Variants in SLCO1A2 observed in about 807,000 individuals in gnomAD.
SLCO1A2 encodes the protein OATP-1.
A neutral mutation model predicts 69.0 loss-of-function variants in SLCO1A2; 67 were observed. That is an observed-to-expected ratio of 0.97 (90% CI 0.80 to 1.19). The LOEUF is 1.19. Ranked by LOEUF, SLCO1A2 falls within the 50% of genes most tolerant of loss-of-function variation. SLCO1A2 has a pLI of 0.00. For synonymous variants in SLCO1A2, 260 were observed against 265.9 expected, an observed-to-expected ratio of 0.98 and a Z score of 0.22; for missense variants, 787 against 793.7, an observed-to-expected ratio of 0.99 and a Z score of 0.10.
In SLCO1A2 at chr12:21,275,444, G is replaced by T. The variant is rs542570161; in HGVS notation, c.1611-20C>A. ...ATACACCTGAAAAGTAAATAAGTTTGTAAATAAAAGAAAAATAAAGATTTA... is the reference window on the plus strand; with the variant it reads ...ATACACCTGAAAAGTAAATAAGTTTTTAAATAAAAGAAAAATAAAGATTTA... On this transcript the variant is annotated intron_variant, in intron 12 of 14. Transcript: ENST00000683939. The T allele has an allele frequency of 4.2e-6, 6 of 1,419,578 alleles. No homozygotes were observed. Among genetic ancestry groups the T allele is most frequent in the Non-Finnish European group, 5.6e-6 (6 of 1,066,386 alleles). The allele number at this position is 1,419,578 out of a possible 1,614,324, so 87.9% of individuals were successfully genotyped here. A position where few individuals can be genotyped will look rare whatever the true frequency, so the allele number is the denominator to read the frequency against.
At chr12:21,371,205 A>G (rs1295018693) in intron 2 of SLCO1A2, among the ~76,000 whole-genome samples, 1 of 152,142 alleles carries the variant, frequency 6.6e-6, no homozygotes, top group Non-Finnish European at 1.5e-5. Flanking sequence ...TGTTATAGCA[A>G]TGGTAAACTG....
intron 12 of SLCO1A2, among the ~76,000 whole-genome samples, chr12:21,288,638 G>A (rs776800308): frequency 2.6e-5 from 4 of 151,950 alleles, no homozygotes; most frequent in South Asian, 4.1e-4. Flanking sequence ...TAATTTACTC[G>A]TACATTTTAA....
In SLCO1A2 at chr12:21,301,209, C is replaced by G. The variant is rs774778697; in HGVS notation, c.650G>C (p.Cys217Ser). The stretch of plus-strand genomic sequence containing the variant: ...TCCAGTGTCAACATAAACATTTGCA[C>G]AGAATGATGCCAACAAAAGTCCAAT... ...PLIGLLLASF[C>S]ANVYVDTGFV... The change falls in exon 7 of 15, where the codon TGT becomes TCT. Residue 217 changes from cysteine (C) to serine (S), a missense_variant. By Grantham distance (112) the Cys-to-Ser change is moderately radical (BLOSUM62 -1). Coordinates refer to ENST00000683939, the MANE Select transcript of SLCO1A2 (RefSeq NM_001386879.1). The G allele has an allele frequency of 6.2e-7, 1 of 1,612,604 alleles. No homozygotes were observed. The highest frequency in any genetic ancestry group is 8.5e-7 in the Non-Finnish European group (1 of 1,179,396).
At chr12:21,290,041 G>A (rs541619380) in intron 12 of SLCO1A2, among the ~76,000 whole-genome samples, 33 of 149,520 alleles carry the variant, frequency 2.2e-4, no homozygotes, top group African/African-American at 7.4e-4. Flanking sequence ...GTGTGTGTAT[G>A]TATCTGTGTG....
chr12:21,377,842 T>C (rs992916996), intron 1 of SLCO1A2, among the ~76,000 whole-genome samples: 3 of 152,200 alleles, frequency 2.0e-5, no homozygotes, highest in Non-Finnish European at 4.4e-5. Context: ...GAAATAATTA[T>C]TTTTAAATTT....
At chr12:21,351,778 CAA>C (rs59221872) in intron 2 of SLCO1A2, among the ~76,000 whole-genome samples, 5 of 128,682 alleles carry the variant, frequency 3.9e-5, no homozygotes, top group African/African-American at 5.8e-5. Context: ...AATTCCGTCT[CAA>C]AAAAAAAAAA....
At chr12:21,317,836 CT>C (rs1172694392) in intron 3 of SLCO1A2, among the ~76,000 whole-genome samples, 1 of 152,108 alleles carries the variant, frequency 6.6e-6, no homozygotes, top group Non-Finnish European at 1.5e-5. Context: ...TTCTATATAA[CT>C]TTTTTCATGG....
chr12:21,281,589 CA>C (rs1430355716), intron 12 of SLCO1A2, among the ~76,000 whole-genome samples: 1 of 150,844 alleles, frequency 6.6e-6, no homozygotes, highest in Non-Finnish European at 1.5e-5. Flanking sequence ...ATGAAGAAAA[CA>C]ATACAAAAGA....
rs1366656624 is a variant in SLCO1A2 at position 21,289,729 on chromosome 12, C to T, written c.1610+2435G>A. On this transcript the variant is annotated intron_variant, in intron 12 of 14. Transcript: ENST00000683939. ...AATGGAGGCATCAACCTTAATGCATCGTTTGTCAGTCAGAAGCCCAGGGTA... is the reference window on the plus strand; with the variant it reads ...AATGGAGGCATCAACCTTAATGCATTGTTTGTCAGTCAGAAGCCCAGGGTA... Among the ~76,000 whole-genome samples the T allele has an allele frequency of 2.7e-5, 4 of 150,082 alleles. No homozygotes were observed. In the South Asian group the frequency reaches 6.3e-4, roughly 24 times the overall value.
chr12:21,338,857 T>C (rs1322218342), upstream of SLCO1A2, among the ~76,000 whole-genome samples: 1 of 151,958 alleles, frequency 6.6e-6, no homozygotes, highest in Admixed American at 6.6e-5. Flanking sequence ...ATAAAATGAT[T>C]TGAGTTTTTT....
At position 21,268,899 on chromosome 12, in the gene SLCO1A2, T is replaced by C. The variant is rs1942343898; in HGVS notation, c.*649A>G. 1 of 152,024 alleles carries C rather than the reference T, an allele frequency of 6.6e-6. No homozygotes were observed. The highest frequency in any genetic ancestry group is 1.5e-5 in the Non-Finnish European group (1 of 67,936). The allele number at this position is 152,024 out of a possible 1,614,324, so 9.4% of individuals were successfully genotyped here. A position where few individuals can be genotyped will look rare whatever the true frequency, so the allele number is the denominator to read the frequency against. On this transcript the variant is annotated 3_prime_UTR_variant, in exon 15 of 15. Coordinates refer to ENST00000683939, the MANE Select transcript of SLCO1A2 (RefSeq NM_001386879.1). ...AAAAAATCCAACAATCTTTGCCTCATGATGTTTAATAACCTGCTTAAGTTT... is the reference window on the plus strand; with the variant it reads ...AAAAAATCCAACAATCTTTGCCTCACGATGTTTAATAACCTGCTTAAGTTT...
chr12:21,414,875 T>C (rs773202024), intron 1 of SLCO1A2, among the ~76,000 whole-genome samples: 4 of 152,118 alleles, frequency 2.6e-5, no homozygotes, highest in Non-Finnish European at 4.4e-5. Flanking sequence ...CATAGTGCAT[T>C]GAATCCTTAT....
chr12:21,334,041 T>A (rs966858237), intron 2 of SLCO1A2, among the ~76,000 whole-genome samples: 3 of 151,984 alleles, frequency 2.0e-5, no homozygotes, highest in African/African-American at 7.2e-5. Context: ...TTCAAATTTG[T>A]TTGAATATAA....
At chr12:21,289,184 CTG>C (rs10636619) in intron 12 of SLCO1A2, among the ~76,000 whole-genome samples, 8,098 of 136,856 alleles carry the variant, frequency 0.059, 220 homozygotes, top group South Asian at 0.074. Flanking sequence ...TGGTACCATT[CTG>C]TGTGTGTGTG....
At chr12:21,394,567 A>G (rs1303018517) in intron 1 of SLCO1A2, among the ~76,000 whole-genome samples, 5 of 151,660 alleles carry the variant, frequency 3.3e-5, no homozygotes, top group Non-Finnish European at 4.4e-5. Flanking sequence ...ACACACACAC[A>G]CACACACACA....
intron 14 of SLCO1A2, among the ~76,000 whole-genome samples, chr12:21,271,692 CAT>C (rs891498035): frequency 2.7e-4 from 34 of 128,010 alleles, no homozygotes; most frequent in African/African-American, 7.7e-4. Flanking sequence ...TGTATATAAA[CAT>C]ATATACCTAT....
At chr12:21,393,389 A>G (rs1941256702) in intron 1 of SLCO1A2, among the ~76,000 whole-genome samples, 1 of 152,206 alleles carries the variant, frequency 6.6e-6, no homozygotes, top group African/African-American at 2.4e-5. Context: ...AGAGAATGAT[A>G]TACACTGATT....
intron 12 of SLCO1A2, among the ~76,000 whole-genome samples, chr12:21,286,841 C>T (rs977222847): frequency 6.8e-6 from 1 of 146,836 alleles, no homozygotes; most frequent in Admixed American, 6.8e-5. Flanking sequence ...CTTCCTTACA[C>T]CTTATACAAA....
intron 1 of SLCO1A2, among the ~76,000 whole-genome samples, chr12:21,380,491 A>G (rs1233530813): frequency 1.3e-5 from 2 of 152,230 alleles, no homozygotes; most frequent in South Asian, 2.1e-4. Flanking sequence ...AAGTTTATTC[A>G]TTCAATTTCT....
Sources: allele counts gnomAD v4.1 joint callset (sites outside exome capture counted in the v4.1 genomes callset), GRCh38; gene constraint gnomAD v4.1.1; transcripts MANE v1.5; gene names NCBI Gene and HGNC (gene_info 2026-07-23, HGNC 2026-07-21).